Variants in MUC5AC observed in about 807,000 individuals in gnomAD.
MUC5AC encodes mucin 5AC, oligomeric mucus/gel-forming.
Under a neutral mutation model 169.7 loss-of-function variants are expected in MUC5AC, and 158 were observed. The observed-to-expected ratio is 0.93, with a 90% CI of 0.82 to 1.06. The LOEUF (loss-of-function observed/expected upper bound fraction) is 1.06, where lower values mean the gene tolerates loss of function less well. Among genes scored for constraint, MUC5AC ranks in the 50% least tolerant of loss-of-function variants. The probability of loss-of-function intolerance (pLI) is 0.00; values close to 1 mark genes in which losing one functional copy is unlikely to be tolerated. For synonymous variants in MUC5AC, 1,975 were observed against 1,237.0 expected (o/e 1.60, Z -12.52); for missense variants, 4,359 against 3,089.9 (o/e 1.41, Z -9.74).
At position 1,168,764 on chromosome 11, in the gene MUC5AC, C is replaced by T. The variant is rs776366038; in HGVS notation, c.1690C>T (p.Arg564Cys). 21 of 1,603,968 alleles carry T rather than the reference C, an allele frequency of 1.3e-5. No individual in the cohort carries two copies. Among genetic ancestry groups the T allele is most frequent in the Middle Eastern group, 1.7e-4 (1 of 6,034 alleles). The stretch of plus-strand genomic sequence containing the variant: ...GTTCATGCAGCTGGCGCCCAAGCTC[C>T]GTGGGCAGACCTGCGGTAAGAGGGC... Reference protein sequence around the residue: ...QLFMQLAPKLRGQTCGLCGNF... With the variant: ...QLFMQLAPKLCGQTCGLCGNF... The change falls in exon 14 of 49, where the codon CGT becomes TGT. Residue 564 changes from arginine (R) to cysteine (C), a missense_variant. Coordinates refer to ENST00000621226, the MANE Select transcript of MUC5AC (RefSeq NM_001304359.2).
chr11:1,170,169 A>G (rs1860461866), intron 15 of MUC5AC, among the ~76,000 whole-genome samples: 1 of 53,974 alleles, frequency 1.9e-5, no homozygotes, highest in Non-Finnish European at 3.4e-5. Context: ...TCACTCACTC[A>G]CCCACTCACC....
Position 1,167,966 on chromosome 11 carries a change from G to A in MUC5AC, c.1476G>A (p.Leu492=). 1 of 1,550,734 alleles carries A rather than the reference G, an allele frequency of 6.4e-7. No individual in the cohort carries two copies. Among genetic ancestry groups the A allele is most frequent in the Non-Finnish European group, 8.7e-7 (1 of 1,147,310 alleles). ...AGACCTGCCTGAAGAGCGTGACACT[G>A]AGCCTGGATGGGGCGCAGACGGTGA... is the stretch of plus-strand genomic sequence containing the variant. ...DSETCLKSVT[L]SLDGAQTVVV... Residue 492 remains leucine, a synonymous_variant, in exon 12 of 49, where the codon CTG becomes CTA. Transcript: ENST00000621226.
At chr11:1,163,207 C>T (rs1346540383) in intron 6 of MUC5AC, among the ~76,000 whole-genome samples, 162 bp downstream of exon 6, 1 of 152,244 alleles carries the variant, frequency 6.6e-6, no homozygotes, top group African/African-American at 2.4e-5. Context: ...CACGCGATCC[C>T]GCAACGCCGG....
In MUC5AC at chr11:1,176,533, C is replaced by T. The variant is rs1386230196; in HGVS notation, c.2522C>T (p.Pro841Leu). The T allele has an allele frequency of 2.5e-6, 1 of 399,640 alleles. No homozygotes were observed. The highest frequency in any genetic ancestry group is 4.4e-6 in the Non-Finnish European group (1 of 226,926). The allele number at this position is 399,640 out of a possible 1,614,324, so 24.8% of individuals were successfully genotyped here. The part of the protein sequence containing the change: ...DMTCYSPQCV[P>L]GCVCPDGLVA... ...CTGCAGTACAGCCCCCAGTGTGTGCCTGGCTGCGTGTGCCCCGACGGGCTG... is the reference window on the plus strand; with the variant it reads ...CTGCAGTACAGCCCCCAGTGTGTGCTTGGCTGCGTGTGCCCCGACGGGCTG... The change falls in exon 21 of 49, where the codon CCT (proline) becomes CTT (leucine). Residue 841 changes from proline (P) to leucine (L), a missense_variant. By Grantham distance (98) the Pro-to-Leu change is moderately conservative. Coordinates refer to ENST00000621226, the MANE Select transcript of MUC5AC (RefSeq NM_001304359.2).
At chr11:1,162,773 G>A in intron 5 of MUC5AC, 127 bp downstream of exon 5, 1 of 1,025,030 alleles carries the variant, frequency 9.8e-7, no homozygotes, top group Non-Finnish European at 1.5e-6. Context: ...ACCCCACACA[G>A]CAGGCAAGAA....
chr11:1,182,468 C>T lies in MUC5AC; in HGVS notation c.4323C>T (p.Ala1441=), dbSNP rs1860838026. Residue 1441 remains alanine (A), a synonymous_variant, in exon 31 of 49, where the codon GCC becomes GCT. Coordinates refer to ENST00000621226, the MANE Select transcript of MUC5AC (RefSeq NM_001304359.2). The part of the protein sequence containing the change: ...AEDAPGVPLR[A]LGQRVQCSPD... ...ACGCCCCCGGAGTGCCGCTCCGAGC[C>T]CTGGGGCAGCGTGTGCAGTGCAGCC... 1 of 398,706 alleles carries T rather than the reference C, an allele frequency of 2.5e-6. No individual in the cohort carries two copies. The allele number at this position is 398,706 out of a possible 1,614,324, so 24.7% of individuals were successfully genotyped here.
In MUC5AC at chr11:1,186,296, C is replaced by A; in HGVS notation, c.8151C>A (p.Thr2717=). 2 of 731,128 alleles carry A rather than the reference C, an allele frequency of 2.7e-6. No individual in the cohort carries two copies. Among genetic ancestry groups the A allele is most frequent in the South Asian group, 2.8e-5 (2 of 70,214 alleles). 45.3% of individuals were successfully genotyped at this position (731,128 alleles called of 1,614,324 possible). A position where few individuals can be genotyped will look rare whatever the true frequency, so the allele number is the denominator to read the frequency against. ...STTSAPTTST[T]SAPTTSTISA... ...CCTCTGCTCCCACAACAAGCACAAC[C>A]TCTGCCCCTACAACCAGCACAATCT... is the stretch of plus-strand genomic sequence containing the variant. Residue 2717 remains threonine (T), a synonymous_variant, in exon 31 of 49, where the codon ACC becomes ACA. Transcript: ENST00000621226.
chr11:1,182,473 G>C lies in MUC5AC; in HGVS notation c.4328G>C (p.Gly1443Ala). Residue 1443 changes from glycine (G) to alanine (A), a missense_variant, in exon 31 of 49, where the codon GGG (glycine) becomes GCG (alanine). Gly to Ala is a moderately conservative substitution (Grantham distance 60, BLOSUM62 0). Coordinates refer to ENST00000621226, the MANE Select transcript of MUC5AC (RefSeq NM_001304359.2). The part of the protein sequence containing the change: ...DAPGVPLRAL[G>A]QRVQCSPDVG... Reference sequence around the variant, plus strand: ...CCCGGAGTGCCGCTCCGAGCCCTGGGGCAGCGTGTGCAGTGCAGCCCGGAT... The same window carrying C: ...CCCGGAGTGCCGCTCCGAGCCCTGGCGCAGCGTGTGCAGTGCAGCCCGGAT... 2.5e-6 allele frequency: 1 copy of C among 398,686 alleles called. No individual in the cohort carries two copies. Among genetic ancestry groups the C allele is most frequent in the Non-Finnish European group, 4.4e-6 (1 of 226,110 alleles). The allele number at this position is 398,686 out of a possible 1,614,324, so 24.7% of individuals were successfully genotyped here.
rs1380556577 is a variant in MUC5AC at position 1,188,356 on chromosome 11, C to A, written c.10211C>A (p.Thr3404Asn). The A allele has an allele frequency of 4.6e-6, 3 of 645,500 alleles. No homozygotes were observed. Among genetic ancestry groups the A allele is most frequent in the African/African-American group, 3.6e-5 (2 of 55,462 alleles). 40.0% of individuals were successfully genotyped at this position (645,500 alleles called of 1,614,324 possible). A position where few individuals can be genotyped will look rare whatever the true frequency, so the allele number is the denominator to read the frequency against. Residue 3404 changes from threonine to asparagine, a missense_variant, in exon 31 of 49, where the codon ACC (threonine) becomes AAC (asparagine). Transcript: ENST00000621226. ...PTTSTTSTPQTSISSAPTSST... is the reference protein window; with the variant it reads ...PTTSTTSTPQNSISSAPTSST... ...ACCAGCACAACCTCCACTCCACAGA[C>A]CAGCATATCCTCTGCCCCTACAAGC...
At position 1,186,722 on chromosome 11, in the gene MUC5AC, A is replaced by T. The variant is rs1420535182; in HGVS notation, c.8577A>T (p.Arg2859Ser). Residue 2859 changes from arginine (R) to serine (S), a missense_variant, in exon 31 of 49, where the codon AGA becomes AGT. Transcript: ENST00000621226. The stretch of plus-strand genomic sequence containing the variant: ...GCACAACCTCTGCCCCTACAACCAG[A>T]ACAACCTCTGTCCCTACAAGCAGCA... ...TTSTTSAPTT[R>S]TTSVPTSSTT... 1 of 572,096 alleles carries T rather than the reference A, an allele frequency of 1.7e-6. No individual in the cohort carries two copies. Among genetic ancestry groups the T allele is most frequent in the Non-Finnish European group, 3.1e-6 (1 of 320,276 alleles). 35.4% of individuals were successfully genotyped at this position (572,096 alleles called of 1,614,324 possible). A position where few individuals can be genotyped will look rare whatever the true frequency, so the allele number is the denominator to read the frequency against.
chr11:1,187,363 C>T lies in MUC5AC; in HGVS notation c.9218C>T (p.Thr3073Ile), dbSNP rs1397377389. ...GPGTTPSPVP[T>I]TSTTSAPTTS... ...GGAACTACCCCAAGCCCTGTTCCCA[C>T]CACCAGCACAACCTCTGCTCCTACA... is the stretch of plus-strand genomic sequence containing the variant. Residue 3073 changes from threonine to isoleucine, a missense_variant, in exon 31 of 49, where the codon ACC (threonine) becomes ATC (isoleucine). Thr to Ile is a moderately conservative substitution (Grantham distance 89). Transcript: ENST00000621226. 1.2e-5 allele frequency: 9 copies of T among 745,656 alleles called. No homozygotes were observed. In the East Asian group the frequency reaches 2.0e-4, roughly 16 times the overall value. The allele number at this position is 745,656 out of a possible 1,614,324, so 46.2% of individuals were successfully genotyped here. A position where few individuals can be genotyped will look rare whatever the true frequency, so the allele number is the denominator to read the frequency against.
At position 1,186,161 on chromosome 11, in the gene MUC5AC, T is replaced by G; in HGVS notation, c.8016T>G (p.Pro2672=). The G allele has an allele frequency of 1.3e-6, 1 of 746,932 alleles. No individual in the cohort carries two copies. Among genetic ancestry groups the G allele is most frequent in the South Asian group, 1.4e-5 (1 of 72,226 alleles). 46.3% of individuals were successfully genotyped at this position (746,932 alleles called of 1,614,324 possible). A position where few individuals can be genotyped will look rare whatever the true frequency, so the allele number is the denominator to read the frequency against. Residue 2672 remains proline (P), a synonymous_variant, in exon 31 of 49, where the codon CCT becomes CCG. Coordinates refer to ENST00000621226, the MANE Select transcript of MUC5AC (RefSeq NM_001304359.2). ...CTACCACCAGCACAATCTCTGTTCC[T>G]ACCACCAGCACAACTTCTGCTTCTA... ...PVPTTSTISV[P]TTSTTSASTT...
In MUC5AC at chr11:1,198,278, G is replaced by A; in HGVS notation, c.16146G>A (p.Val5382=). The A allele has an allele frequency of 1.3e-6, 1 of 755,398 alleles. No individual in the cohort carries two copies. The highest frequency in any genetic ancestry group is 2.4e-6 in the Non-Finnish European group (1 of 413,786). 46.8% of individuals were successfully genotyped at this position (755,398 alleles called of 1,614,324 possible). ...TCTTCTCGTGGGCAGGCTGGACAGT[G>A]TGCAGCATCAACGGGACCCTGTACC... ...CCPVQNCSWT[V]CSINGTLYQP... is the part of the protein sequence containing the mutation. The change falls in exon 43 of 49, where the codon GTG becomes GTA. Residue 5382 remains valine (V), a synonymous_variant. Coordinates refer to ENST00000621226, the MANE Select transcript of MUC5AC (RefSeq NM_001304359.2).
rs1317805315 is a variant in MUC5AC at position 1,200,488 on chromosome 11, AG to A, written c.16752del (p.Glu5584AspfsTer6). On this transcript the variant is annotated frameshift_variant, in exon 49 of 49. Coordinates refer to ENST00000621226, the MANE Select transcript of MUC5AC (RefSeq NM_001304359.2). LOFTEE classifies it low-confidence loss of function (END_TRUNC). ...GAGCACAGGTGCCAGTGCTGCCAGG[AG>A]CTGCGGACCTCGCTGAGGAATGTGA... Reference protein sequence around the residue: ...TVEHRCQCCQELRTSLRNVTL... With the variant: ...TVEHRCQCCQXLRTSLRNVTL... 1.4e-6 allele frequency: 1 copy of A among 738,512 alleles called. No homozygotes were observed. The highest frequency in any genetic ancestry group is 2.5e-5 in the East Asian group (1 of 39,418). 45.7% of individuals were successfully genotyped at this position (738,512 alleles called of 1,614,324 possible).
chr11:1,194,455 C>T (rs1861206431), intron 34 of MUC5AC, 32 bp from the exon 35 acceptor site: 3 of 731,356 alleles, frequency 4.1e-6, no homozygotes, highest in Admixed American at 1.8e-5. Flanking sequence ...CGCCTGCCTT[C>T]TGACTTCCCG....
chr11:1,162,457 G>T, intron 4 of MUC5AC, 75 bp from the exon 5 acceptor site: 1 of 1,342,508 alleles, frequency 7.4e-7, no homozygotes. Flanking sequence ...TCACATTTGC[G>T]ACCGCAGGCA....
intron 34 of MUC5AC, 57 bp from the exon 35 acceptor site, chr11:1,194,430 G>A (rs751238188): frequency 2.3e-4 from 165 of 713,158 alleles, no homozygotes; most frequent in Non-Finnish European, 3.5e-4. Context: ...CCTGAGCAGC[G>A]GCTGACCGCC....
Position 1,196,031 on chromosome 11 carries a change from G to A in MUC5AC, c.15614G>A (p.Arg5205Lys). 1.3e-6 allele frequency: 1 copy of A among 764,830 alleles called. No homozygotes were observed. The highest frequency in any genetic ancestry group is 2.4e-6 in the Non-Finnish European group (1 of 417,738). The allele number at this position is 764,830 out of a possible 1,614,324, so 47.4% of individuals were successfully genotyped here. A position where few individuals can be genotyped will look rare whatever the true frequency, so the allele number is the denominator to read the frequency against. ...TCCCACGACATCTGCATCGATTGGA[G>A]AGGCCGGACCGGCCACATGTGCCGT... ...CASHDICIDW[R>K]GRTGHMCPFT... Residue 5205 changes from arginine (R) to lysine (K), a missense_variant, in exon 37 of 49, where the codon AGA (arginine) becomes AAA (lysine). Transcript: ENST00000621226.
chr11:1,178,402 G>A (rs1422926007), intron 24 of MUC5AC, 42 bp from the exon 25 acceptor site: 2 of 463,896 alleles, frequency 4.3e-6, no homozygotes, highest in South Asian at 9.0e-5. Context: ...TGGCCTTCTC[G>A]GTTTGCTGCA....
Sources: allele counts gnomAD v4.1 joint callset (sites outside exome capture counted in the v4.1 genomes callset), GRCh38; gene constraint gnomAD v4.1.1; transcripts MANE v1.5; gene names NCBI Gene and HGNC (gene_info 2026-07-23, HGNC 2026-07-21).